Variants in RPH3A observed in about 807,000 individuals in gnomAD.
RPH3A encodes rabphilin-3A.
A neutral mutation model predicts 102.2 loss-of-function variants in RPH3A; 48 were observed. The ratio of observed to expected loss-of-function variants is 0.47; its 90% CI spans 0.37 to 0.60. The LOEUF is 0.60. Among genes scored for constraint, RPH3A ranks in the 20% least tolerant of loss-of-function variants. The probability of loss-of-function intolerance (pLI) is 0.00; values close to 1 mark genes in which losing one functional copy is unlikely to be tolerated. For synonymous variants in RPH3A, 310 were observed against 324.3 expected (o/e 0.96, Z 0.47); for missense variants, 781 against 910.1 (o/e 0.86, Z 1.83).
At chr12:112,896,548 TG>T in intron 21 of RPH3A, 101 bp from the exon 22 acceptor site, 2 of 1,373,862 alleles carry the variant, frequency 1.5e-6, no homozygotes, top group Non-Finnish European at 1.0e-6. Context: ...CCCAGGTTGC[TG>T]GGGGTCACTG....
intron 1 of RPH3A, among the ~76,000 whole-genome samples, chr12:112,727,493 A>AGCCC (rs1555204993): frequency 2.4e-5 from 1 of 41,624 alleles, no homozygotes; most frequent in Non-Finnish European, 4.5e-5. Context: ...ACACACACAG[A>AGCCC]CCCCCCCCCC....
chr12:112,866,475 A>G (rs2042612981), intron 6 of RPH3A, among the ~76,000 whole-genome samples: 1 of 152,142 alleles, frequency 6.6e-6, no homozygotes, highest in South Asian at 2.1e-4. Flanking sequence ...CTTTAGAAAA[A>G]AGTATGTCAG....
chr12:112,713,053 T>C (rs1450096683), intron 1 of RPH3A, among the ~76,000 whole-genome samples: 2 of 62,576 alleles, frequency 3.2e-5, no homozygotes, highest in African/African-American at 7.1e-5. Flanking sequence ...CTTCTTCTCC[T>C]TCTTCTTCTT....
chr12:112,869,634 A>C, intron 8 of RPH3A, 125 bp from the exon 9 acceptor site: 1 of 948,352 alleles, frequency 1.1e-6, no homozygotes, highest in Non-Finnish European at 1.6e-6. Context: ...TGGGAGAAAG[A>C]CTTTTAATTT....
intron 1 of RPH3A, among the ~76,000 whole-genome samples, chr12:112,585,315 T>C (rs1159006489): frequency 6.6e-6 from 1 of 152,196 alleles, no homozygotes; most frequent in Non-Finnish European, 1.5e-5. Context: ...ATACTTTGCA[T>C]CCTTCAATCC....
intron 1 of RPH3A, among the ~76,000 whole-genome samples, chr12:112,628,261 A>G (rs1486013976): frequency 6.6e-6 from 1 of 152,098 alleles, no homozygotes; most frequent in Non-Finnish European, 1.5e-5. Context: ...TGCACAGAGG[A>G]ACAGCAAGTG....
At chr12:112,681,523 T>A (rs566545160) in intron 1 of RPH3A, among the ~76,000 whole-genome samples, 7 of 152,384 alleles carry the variant, frequency 4.6e-5, no homozygotes, top group Admixed American at 4.6e-4. Context: ...GTTTCTACTG[T>A]AAGCCACCAC....
At chr12:112,588,461 T>C (rs1420056502) in intron 1 of RPH3A, among the ~76,000 whole-genome samples, 1 of 152,158 alleles carries the variant, frequency 6.6e-6, no homozygotes, top group Non-Finnish European at 1.5e-5. Context: ...TTCACTATCA[T>C]GAAAATAGCA....
At chr12:112,666,158 C>T (rs1313722092) in intron 1 of RPH3A, among the ~76,000 whole-genome samples, 1 of 152,208 alleles carries the variant, frequency 6.6e-6, no homozygotes, top group Admixed American at 6.5e-5. Context: ...TCAGCTGTGG[C>T]TGCAGCCACA....
At position 112,585,497 on chromosome 12, in the gene RPH3A, G is replaced by T. The variant is rs1245984266; in HGVS notation, c.-140+10178G>T. 2.6e-5 allele frequency among the ~76,000 whole-genome samples: 4 copies of T among 152,248 alleles called. No individual in the cohort carries two copies. The East Asian group carries it at 7.7e-4, about 29-fold the overall frequency. On this transcript the variant is annotated intron_variant, in intron 1 of 21. Transcript: ENST00000543106. ...CACCTGTAATCCCAGCACTTCGGGA[G>T]TTCGAGACAGGTGGATCACTTGAGG...
rs535704449 is a variant in RPH3A, at chr12:112,699,858, T to C, written c.-139-92285T>C. On this transcript the variant is annotated intron_variant, in intron 1 of 21. Transcript: ENST00000543106. ...TCTAGGAGCTGGTGGGTTTTCTGGC[T>C]TTTTTCTTAAGAATGCCAGAAATTA... 7.2e-5 allele frequency among the ~76,000 whole-genome samples: 11 copies of C among 152,298 alleles called. 1 individual carries two copies. In the South Asian group the frequency reaches 2.3e-3, roughly 32 times the overall value.
chr12:112,789,679 G>GCCACCA (rs571794947), upstream of RPH3A, among the ~76,000 whole-genome samples: 2 of 151,458 alleles, frequency 1.3e-5, no homozygotes, highest in African/African-American at 2.4e-5. Flanking sequence ...AGCCATCATT[G>GCCACCA]CCACCACCAC....
chr12:112,706,999 G>GATTC (rs2040431241), intron 1 of RPH3A, among the ~76,000 whole-genome samples: 1 of 152,188 alleles, frequency 6.6e-6, no homozygotes, highest in African/African-American at 2.4e-5. Context: ...CTACATTGTT[G>GATTC]ATTCTCTGCA....
chr12:112,712,673 A>ATGTG (rs1025171419), intron 1 of RPH3A, among the ~76,000 whole-genome samples: 3 of 149,078 alleles, frequency 2.0e-5, no homozygotes, highest in South Asian at 2.1e-4. Context: ...GTGTGTGTGT[A>ATGTG]TGTGTGTGTG....
At chr12:112,752,075 T>G (rs1367648812) in intron 1 of RPH3A, among the ~76,000 whole-genome samples, 1 of 152,160 alleles carries the variant, frequency 6.6e-6, no homozygotes, top group Non-Finnish European at 1.5e-5. Context: ...AGGGGTAAGT[T>G]TCAAGCCTTT....
At position 112,858,237 on chromosome 12, in the gene RPH3A, G is replaced by T. The variant is rs190151546; in HGVS notation, c.231-7177G>T. On this transcript the variant is annotated intron_variant, in intron 5 of 21. Transcript: ENST00000389385. ...AGCTATGATCAAGCCACTGCACTCC[G>T]GCCTGGGTGACAGAGTCAGACCCTG... Among the ~76,000 whole-genome samples the T allele has an allele frequency of 7.5e-5, 10 of 133,124 alleles. No homozygotes were observed. In the East Asian group the frequency reaches 2.2e-3, roughly 30 times the overall value. The allele number at this position is 133,124 out of a possible 152,430, so 87.3% of individuals were successfully genotyped here. A position where few individuals can be genotyped will look rare whatever the true frequency, so the allele number is the denominator to read the frequency against.
chr12:112,711,767 G>T (rs2040464100), intron 1 of RPH3A, among the ~76,000 whole-genome samples: 1 of 152,088 alleles, frequency 6.6e-6, no homozygotes, highest in African/African-American at 2.4e-5. Context: ...CTGCTTGCTG[G>T]GGAGAATGCT....
rs1420161943 is a variant in RPH3A at position 112,887,919 on chromosome 12, T to G, written c.1559T>G (p.Ile520Ser). 34 of 1,613,150 alleles carry G rather than the reference T, an allele frequency of 2.1e-5. No individual in the cohort carries two copies. The highest frequency in any genetic ancestry group is 2.7e-5 in the Non-Finnish European group (32 of 1,179,388). ...TTCAACATCTGCCTGGAGCGAGTGA[T>G]TCCTGTGAGTGACTTTACCCTGAGG... is the stretch of plus-strand genomic sequence containing the variant. ...KNFNICLERV[I>S]PMKRAGTTGS... Residue 520 changes from isoleucine (I) to serine (S), a missense_variant, in exon 17 of 22, where the codon ATT (isoleucine) becomes AGT (serine). Ile to Ser is a moderately radical substitution (Grantham distance 142). Transcript: ENST00000389385.
chr12:112,817,381 C>G (rs1160857691), intron 2 of RPH3A, among the ~76,000 whole-genome samples: 2 of 152,102 alleles, frequency 1.3e-5, no homozygotes, highest in African/African-American at 4.8e-5. Context: ...TTCCTCCATC[C>G]TTTATCCTCA....
Sources: allele counts gnomAD v4.1 joint callset (sites outside exome capture counted in the v4.1 genomes callset), GRCh38; gene constraint gnomAD v4.1.1; transcripts MANE v1.5; gene names NCBI Gene and HGNC (gene_info 2026-07-23, HGNC 2026-07-21).